The following PTTG1IP2 variants were observed in gnomAD, a reference collection of about 807,000 sequenced individuals.
The protein encoded by PTTG1IP2 is PTTG1IP family member 2.
chr7:90,510,811 T>C (rs1458555804), intron 6 of PTTG1IP2, among the ~76,000 whole-genome samples: 2 of 152,252 alleles, frequency 1.3e-5, no homozygotes, highest in Non-Finnish European at 2.9e-5. Context: ...CTGTTCTATG[T>C]AAATAACTGT....
chr7:90,470,963 C>CAAAAAAAAAA (rs5885726), intron 1 of PTTG1IP2, among the ~76,000 whole-genome samples: 168 of 107,912 alleles, frequency 1.6e-3, no homozygotes, highest in East Asian at 2.8e-3. Context: ...TGATGAAGAA[C>CAAAAAAAAAA]AAAAAAAAAA....
intron 2 of PTTG1IP2, among the ~76,000 whole-genome samples, chr7:90,482,027 T>C: frequency 6.6e-6 from 1 of 152,178 alleles, no homozygotes; most frequent in East Asian, 1.9e-4. Flanking sequence ...TTCCAGTACC[T>C]CATAGAAATG....
chr7:90,486,671 A>G (rs1797878380), intron 2 of PTTG1IP2, among the ~76,000 whole-genome samples: 1 of 152,116 alleles, frequency 6.6e-6, no homozygotes, highest in African/African-American at 2.4e-5. Flanking sequence ...CAGAGGAGCA[A>G]TCCCAAAGGA....
intron 3 of PTTG1IP2, among the ~76,000 whole-genome samples, chr7:90,488,075 G>A (rs1264755792): frequency 6.6e-6 from 1 of 152,036 alleles, no homozygotes; most frequent in Non-Finnish European, 1.5e-5. Flanking sequence ...ACCAAGGCAG[G>A]AAAACGTACC....
intron 6 of PTTG1IP2, among the ~76,000 whole-genome samples, chr7:90,497,616 G>T (rs1223559997): frequency 1.3e-5 from 2 of 148,548 alleles, no homozygotes; most frequent in East Asian, 3.9e-4. Flanking sequence ...ACTAGGAAGG[G>T]TGGGGCAGGA....
At chr7:90,471,878 T>A (rs575780482) in intron 1 of PTTG1IP2, among the ~76,000 whole-genome samples, 122 of 152,190 alleles carry the variant, frequency 8.0e-4, no homozygotes, top group Admixed American at 1.8e-3. Flanking sequence ...ACAAGCTGGA[T>A]TTGAGGGTGG....
intron 6 of PTTG1IP2, among the ~76,000 whole-genome samples, chr7:90,496,680 T>G (rs1036803440): frequency 3.9e-5 from 6 of 152,258 alleles, no homozygotes; most frequent in Non-Finnish European, 8.8e-5. Context: ...CTATTGTTTT[T>G]CTAGTGTCTA....
chr7:90,512,666 C>G (rs1407270487), intron 6 of PTTG1IP2, among the ~76,000 whole-genome samples: 3 of 152,136 alleles, frequency 2.0e-5, no homozygotes, highest in Non-Finnish European at 2.9e-5. Context: ...TGGAAGTAGA[C>G]ATTTGAGATG....
intron 2 of PTTG1IP2, among the ~76,000 whole-genome samples, chr7:90,483,894 C>T (rs978401874): frequency 3.9e-5 from 6 of 152,176 alleles, no homozygotes; most frequent in Non-Finnish European, 7.4e-5. Context: ...ACTGTGTCCT[C>T]ACTCTTGTGC....
At chr7:90,503,667 G>T (rs537099335) in intron 6 of PTTG1IP2, among the ~76,000 whole-genome samples, 1 of 152,322 alleles carries the variant, frequency 6.6e-6, no homozygotes, top group Admixed American at 6.5e-5. Flanking sequence ...AGTCAGTGGA[G>T]CAGTCAGAAC....
intron 6 of PTTG1IP2, among the ~76,000 whole-genome samples, chr7:90,502,732 T>G (rs186073267): frequency 5.9e-5 from 9 of 152,334 alleles, no homozygotes; most frequent in Admixed American, 5.9e-4. Context: ...AACAGTGGGC[T>G]TAATATATTC....
chr7:90,485,618 T>C (rs1797865378), intron 2 of PTTG1IP2, among the ~76,000 whole-genome samples: 1 of 152,190 alleles, frequency 6.6e-6, no homozygotes, highest in African/African-American at 2.4e-5. Flanking sequence ...CAGTGAGTTG[T>C]TGGTCACCAG....
At chr7:90,477,091 TGAAAAA>T (rs1797756477) in intron 1 of PTTG1IP2, among the ~76,000 whole-genome samples, 1 of 152,006 alleles carries the variant, frequency 6.6e-6, no homozygotes, top group Non-Finnish European at 1.5e-5. Context: ...TTGAAGAAAC[TGAAAAA>T]GAAAGACCAG....
At chr7:90,474,618 C>T (rs1797726655) in intron 1 of PTTG1IP2, among the ~76,000 whole-genome samples, 1 of 152,144 alleles carries the variant, frequency 6.6e-6, no homozygotes, top group Non-Finnish European at 1.5e-5. Flanking sequence ...TCTCAAGAAG[C>T]AGGCAGCAGA....
chr7:90,495,771 G>A (rs1439186331), intron 6 of PTTG1IP2, among the ~76,000 whole-genome samples: 1 of 152,150 alleles, frequency 6.6e-6, no homozygotes, highest in Non-Finnish European at 1.5e-5. Flanking sequence ...GAGTGAAAGG[G>A]CCACTATTAA....
chr7:90,479,126 A>G (rs995719887), intron 1 of PTTG1IP2, 102 bp from the exon 2 acceptor site: 2 of 152,610 alleles, frequency 1.3e-5, no homozygotes, highest in Non-Finnish European at 2.9e-5. Context: ...ATGGATGACT[A>G]TGGCTTAAAA....
At chr7:90,493,233 T>C (rs185305266) in intron 5 of PTTG1IP2, among the ~76,000 whole-genome samples, 8 of 152,214 alleles carry the variant, frequency 5.3e-5, no homozygotes, top group Admixed American at 5.2e-4. Context: ...GACCCATACT[T>C]TGAGGTTGCA....
chr7:90,511,076 AT>A (rs58855206), intron 6 of PTTG1IP2, among the ~76,000 whole-genome samples: 170 of 147,104 alleles, frequency 1.2e-3, no homozygotes, highest in Non-Finnish European at 1.1e-3. Context: ...CAAGGACAGT[AT>A]TTTTTTTTTT....
chr7:90,507,867 G>C (rs573875133), intron 6 of PTTG1IP2, among the ~76,000 whole-genome samples: 5 of 152,014 alleles, frequency 3.3e-5, no homozygotes, highest in Admixed American at 6.6e-5. Context: ...TTCTAGAGGC[G>C]CTGTGAGATC....
Sources: gnomAD v4.1 joint callset for allele counts (sites outside exome capture counted in the v4.1 genomes callset) on GRCh38, gnomAD v4.1.1 for gene constraint, MANE v1.5 for transcripts, NCBI Gene and HGNC (gene_info 2026-07-23, HGNC 2026-07-21) for gene names.